Variants in CCSER1 observed in about 807,000 individuals in gnomAD.
CCSER1 encodes coiled-coil serine rich protein 1, also known as serine-rich coiled-coil domain-containing protein 1.
Under a neutral mutation model 82.0 loss-of-function variants are expected in CCSER1, and 41 were observed. That is an observed-to-expected ratio of 0.50 (90% CI 0.39 to 0.65). The LOEUF (loss-of-function observed/expected upper bound fraction) is 0.65. Ranked by LOEUF, CCSER1 falls within the 30% of genes least tolerant of loss-of-function variation. The pLI is 0.00. For synonymous variants in CCSER1, 414 were observed against 383.9 expected (o/e 1.08, Z -0.92); for missense variants, 1,119 against 1,064.2 (o/e 1.05, Z -0.72).
At chr4:90,149,821 AAAG>A (rs1179024124) in intron 1 of CCSER1, among the ~76,000 whole-genome samples, 3 of 152,146 alleles carry the variant, frequency 2.0e-5, no homozygotes, top group African/African-American at 7.2e-5. Context: ...GTAAAGAAAA[AAAG>A]AGCAATATAT....
At chr4:91,087,933 T>A (rs773954994) in intron 10 of CCSER1, among the ~76,000 whole-genome samples, 1 of 152,170 alleles carries the variant, frequency 6.6e-6, no homozygotes, top group Non-Finnish European at 1.5e-5. Flanking sequence ...AGGTGAAGTA[T>A]GTTGTAAAAA....
intron 10 of CCSER1, among the ~76,000 whole-genome samples, chr4:91,089,861 A>G (rs893849795): frequency 2.0e-5 from 3 of 152,146 alleles, no homozygotes; most frequent in South Asian, 2.1e-4. Flanking sequence ...TTGATCATCT[A>G]TGTGGAAACA....
intron 10 of CCSER1, among the ~76,000 whole-genome samples, chr4:91,519,108 A>G (rs1252140463): frequency 6.6e-6 from 1 of 152,200 alleles, no homozygotes; most frequent in Non-Finnish European, 1.5e-5. Context: ...TGAAGTATCC[A>G]GGTGGGGGCA....
intron 3 of CCSER1, among the ~76,000 whole-genome samples, chr4:90,348,711 TA>T (rs1180565345): frequency 2.6e-5 from 4 of 151,842 alleles, no homozygotes; most frequent in Admixed American, 6.6e-5. Context: ...ATTTTCAGAT[TA>T]AAAAAAAGAA....
At chr4:91,246,123 CTG>C (rs1280011942) in intron 10 of CCSER1, among the ~76,000 whole-genome samples, 3 of 152,266 alleles carry the variant, frequency 2.0e-5, no homozygotes, top group Middle Eastern at 3.4e-3. Flanking sequence ...GAAAAACTAA[CTG>C]AATAATAAAT....
chr4:91,471,314 T>C (rs562919129), intron 10 of CCSER1, among the ~76,000 whole-genome samples: 48 of 152,144 alleles, frequency 3.2e-4, no homozygotes, highest in Non-Finnish European at 5.6e-4. Flanking sequence ...TACTATGCTG[T>C]GGAAACCCTA....
At chr4:90,861,924 A>ATTT (rs200410629) in intron 8 of CCSER1, among the ~76,000 whole-genome samples, 1,416 of 108,842 alleles carry the variant, frequency 0.013, 12 homozygotes, top group Non-Finnish European at 0.02. Flanking sequence ...ATATATATAT[A>ATTT]TATTTTTTTT....
At chr4:90,261,042 G>A (rs1038945207) in intron 1 of CCSER1, among the ~76,000 whole-genome samples, 4 of 152,110 alleles carry the variant, frequency 2.6e-5, no homozygotes, top group Non-Finnish European at 2.9e-5. Flanking sequence ...AAACCCATTC[G>A]GCCATTCTTT....
At chr4:91,095,187 TC>T (rs1044512378) in intron 10 of CCSER1, among the ~76,000 whole-genome samples, 1 of 152,184 alleles carries the variant, frequency 6.6e-6, no homozygotes, top group Admixed American at 6.5e-5. Context: ...TCCCCTTCAG[TC>T]TAGTAGCCCT....
At chr4:91,163,386 G>T (rs1384429886) in intron 10 of CCSER1, among the ~76,000 whole-genome samples, 1 of 151,974 alleles carries the variant, frequency 6.6e-6, no homozygotes, top group Non-Finnish European at 1.5e-5. Context: ...GTGATGTGGT[G>T]CTGACAAGAA....
intron 10 of CCSER1, among the ~76,000 whole-genome samples, chr4:91,186,703 G>T (rs1734573017): frequency 6.6e-6 from 1 of 152,184 alleles, no homozygotes; most frequent in Non-Finnish European, 1.5e-5. Flanking sequence ...TGTTTCTATA[G>T]ATATTAAATT....
intron 9 of CCSER1, among the ~76,000 whole-genome samples, chr4:90,937,457 G>A (rs1036102374): frequency 3.5e-5 from 5 of 141,908 alleles, no homozygotes; most frequent in Admixed American, 7.6e-5. Flanking sequence ...CACAGCTTAC[G>A]TCGTGTTGTA....
chr4:90,958,028 G>A (rs997248977), intron 9 of CCSER1, among the ~76,000 whole-genome samples: 1 of 152,098 alleles, frequency 6.6e-6, no homozygotes, highest in African/African-American at 2.4e-5. Flanking sequence ...TTAGCTGGGG[G>A]ATCTTCCAAA....
chr4:90,248,700 A>ATTT (rs113045025), intron 1 of CCSER1, among the ~76,000 whole-genome samples: 1 of 143,454 alleles, frequency 7.0e-6, no homozygotes, highest in Non-Finnish European at 1.5e-5. Context: ...AGAATTTTAG[A>ATTT]TTTTTTTTTT....
At chr4:91,433,778 T>A (rs1754471103) in intron 10 of CCSER1, among the ~76,000 whole-genome samples, 1 of 152,218 alleles carries the variant, frequency 6.6e-6, no homozygotes, top group African/African-American at 2.4e-5. Context: ...GTCTGTGTTG[T>A]TAGATGATGC....
chr4:91,541,881 C>T (rs1761618957), intron 10 of CCSER1, among the ~76,000 whole-genome samples: 1 of 152,172 alleles, frequency 6.6e-6, no homozygotes, highest in Non-Finnish European at 1.5e-5. Flanking sequence ...ACACCCTCTC[C>T]AGCACCTGTT....
chr4:91,483,882 C>T (rs190674121), intron 10 of CCSER1, among the ~76,000 whole-genome samples: 1 of 152,076 alleles, frequency 6.6e-6, no homozygotes, highest in East Asian at 1.9e-4. Context: ...ACGATAACCC[C>T]AAGTTTTAAA....
At chr4:90,840,208 T>TTTCTACCA (rs1762405402) in intron 8 of CCSER1, among the ~76,000 whole-genome samples, 1 of 152,126 alleles carries the variant, frequency 6.6e-6, no homozygotes, top group South Asian at 2.1e-4. Context: ...AAATTTTAAA[T>TTTCTACCA]AGTTCTACCA....
intron 8 of CCSER1, among the ~76,000 whole-genome samples, chr4:90,885,671 G>A (rs1722016599): frequency 6.6e-6 from 1 of 152,058 alleles, no homozygotes; most frequent in Non-Finnish European, 1.5e-5. Flanking sequence ...ATAGGAGATG[G>A]CATTTGTGAA....
Sources: allele counts gnomAD v4.1 joint callset (sites outside exome capture counted in the v4.1 genomes callset), GRCh38; gene constraint gnomAD v4.1.1; transcripts MANE v1.5; gene names NCBI Gene and HGNC (gene_info 2026-07-23, HGNC 2026-07-21).